TCF20: variants seen among roughly 807,000 people sequenced by gnomAD.
TCF20 encodes the protein SPRE-binding protein.
A neutral mutation model predicts 148.6 loss-of-function variants in TCF20; 3 were observed. That is an observed-to-expected ratio of 0.02 (90% CI 0.01 to 0.05). TCF20 has a LOEUF of 0.05. Among genes scored for constraint, TCF20 ranks in the 10% least tolerant of loss-of-function variants. TCF20 has a pLI of 1.00. For missense variants in TCF20, 2,350 were observed against 2,429.3 expected, an observed-to-expected ratio of 0.97 and a Z score of 0.69; for synonymous variants, 1,049 against 909.5, an observed-to-expected ratio of 1.15 and a Z score of -2.76.
rs772874257 is a variant in TCF20, at chr22:42,213,166, C to A, written c.2140G>T (p.Gly714Trp). ...SLRYSYKDSFGSAVPRNVSGF... is the reference protein window; with the variant it reads ...SLRYSYKDSFWSAVPRNVSGF... The stretch of plus-strand genomic sequence containing the variant: ...CTGACATTTCGTGGCACGGCTGACC[C>A]GAAACTATCTTTGTAACTATAGCGC... Residue 714 changes from glycine (G) to tryptophan (W), a missense_variant, in exon 2 of 6, where the codon GGG (glycine) becomes TGG (tryptophan). Physicochemically the swap from Gly to Trp is radical, Grantham distance 184 (BLOSUM62 -2). This residue lies in a region of TCF20 where 1,641 missense variants were observed against 1,662.6 expected (regional missense o/e 0.99). Coordinates refer to ENST00000677622, the MANE Select transcript of TCF20 (RefSeq NM_001378418.1). 1.9e-6 allele frequency: 3 copies of A among 1,614,174 alleles called. No individual in the cohort carries two copies. The highest frequency in any genetic ancestry group is 2.5e-6 in the Non-Finnish European group (3 of 1,180,036).
chr22:42,336,270 C>T (rs73433584), intron 1 of TCF20, among the ~76,000 whole-genome samples: 2,573 of 152,160 alleles, frequency 0.017, 59 homozygotes, highest in African/African-American at 0.054. Context: ...TGGCATGGCT[C>T]GGGTAGCTAG....
chr22:42,208,613 C>A (rs377711658), intron 2 of TCF20, among the ~76,000 whole-genome samples: 11 of 151,782 alleles, frequency 7.2e-5, no homozygotes, highest in South Asian at 6.3e-4. Context: ...AAAACAAAAC[C>A]AAAACAAAAC....
intron 2 of TCF20, among the ~76,000 whole-genome samples, chr22:42,205,071 C>T (rs906097102): frequency 1.3e-4 from 20 of 152,332 alleles, no homozygotes; most frequent in East Asian, 1.2e-3. Context: ...CATCCCTGCA[C>T]GCCTTGGCAT....
intron 1 of TCF20, among the ~76,000 whole-genome samples, chr22:42,256,823 T>C (rs1925771596): frequency 6.6e-6 from 1 of 152,220 alleles, no homozygotes. Context: ...GCATGTTCTC[T>C]ACACTTCTGC....
At position 42,209,849 on chromosome 22, in the gene TCF20, C is replaced by T. The variant is rs767109405; in HGVS notation, c.5457G>A (p.Lys1819=). 3.7e-6 allele frequency: 6 copies of T among 1,614,196 alleles called. No homozygotes were observed. The Admixed American group carries it at 1.0e-4, about 27-fold the overall frequency. ...CGGAGGGCTTCGAGTCCAAAACAGT[C>T]TTTTCACTGCTGCCCTCAGTGGCTG... ...KKAATEGSSE[K]TVLDSKPSVP... is the part of the protein sequence containing the mutation. Residue 1819 remains lysine (K), a synonymous_variant, in exon 2 of 6, where the codon AAG becomes AAA. Coordinates refer to ENST00000677622, the MANE Select transcript of TCF20 (RefSeq NM_001378418.1).
chr22:42,293,773 G>T (rs554881933), intron 1 of TCF20, among the ~76,000 whole-genome samples: 1 of 152,230 alleles, frequency 6.6e-6, no homozygotes, highest in African/African-American at 2.4e-5. Context: ...AGGCCAAGGC[G>T]GGCAGATCAC....
intron 1 of TCF20, among the ~76,000 whole-genome samples, chr22:42,226,983 T>G (rs761233611): frequency 4.6e-5 from 7 of 152,140 alleles, no homozygotes; most frequent in Non-Finnish European, 8.8e-5. Context: ...CAATAGGATA[T>G]TAAAAAATAA....
At chr22:42,260,451 A>C (rs1925967676) in intron 1 of TCF20, among the ~76,000 whole-genome samples, 2 of 152,172 alleles carry the variant, frequency 1.3e-5, no homozygotes, top group African/African-American at 2.4e-5. Context: ...AGGCAAAAAT[A>C]GGGGGTAGGA....
Position 42,210,352 on chromosome 22 carries a change from C to T in TCF20, c.4954G>A (p.Ala1652Thr). The change falls in exon 2 of 6, where the codon GCT becomes ACT. Residue 1652 changes from alanine to threonine, a missense_variant. Transcript: ENST00000677622. This position sits in a 1 kb window ranked among gnomAD's most constrained non-coding sequence, Gnocchi z 4.7. ...AATTTGGTCTGTTCTTCTTCCTCAGCATTGATGATTGTACAAACGGCTCCA... is the reference window on the plus strand; with the variant it reads ...AATTTGGTCTGTTCTTCTTCCTCAGTATTGATGATTGTACAAACGGCTCCA... ...ELGAVCTIIN[A>T]EEEEQTKLVR... is the part of the protein sequence containing the mutation. The T allele has an allele frequency of 6.2e-7, 1 of 1,614,214 alleles. No individual in the cohort carries two copies.
chr22:42,243,019 C>G (rs1601649859), intron 1 of TCF20, among the ~76,000 whole-genome samples: 1 of 151,792 alleles, frequency 6.6e-6, no homozygotes, highest in Non-Finnish European at 1.5e-5. Flanking sequence ...GTAGGAAGAT[C>G]AATGATTACC....
intron 2 of TCF20, among the ~76,000 whole-genome samples, chr22:42,184,654 TCCC>T (rs1231207250): frequency 2.6e-5 from 4 of 152,058 alleles, no homozygotes; most frequent in Non-Finnish European, 5.9e-5. Context: ...ACAATACTGC[TCCC>T]CAGGAAGAAT....
intron 3 of TCF20, among the ~76,000 whole-genome samples, chr22:42,175,197 A>G (rs138573068): frequency 4.5e-4 from 68 of 152,286 alleles, no homozygotes; most frequent in African/African-American, 1.6e-3. Flanking sequence ...CTCTTTTAAA[A>G]ACTTATTTTT....
chr22:42,215,255 G>A lies in TCF20; in HGVS notation c.51C>T (p.Tyr17=). The part of the protein sequence containing the change: ...QSSYHGNQQS[Y]PQEVHGSSRL... ...GGGATGAGCCGTGTACCTCCTGTGG[G>A]TAGCTTTGCTGGTTTCCGTGGTAAC... Residue 17 remains tyrosine (Y), a synonymous_variant, in exon 2 of 6, where the codon TAC becomes TAT. Transcript: ENST00000677622. The A allele has an allele frequency of 6.2e-7, 1 of 1,614,158 alleles. No homozygotes were observed. Among genetic ancestry groups the A allele is most frequent in the African/African-American group, 1.3e-5 (1 of 75,046 alleles).
intron 2 of TCF20, among the ~76,000 whole-genome samples, chr22:42,207,713 G>A (rs906765894): frequency 6.6e-6 from 1 of 152,202 alleles, no homozygotes; most frequent in Non-Finnish European, 1.5e-5. Flanking sequence ...TACTCAGGAG[G>A]CTGAGGCAAG....
chr22:42,216,792 T>C (rs993618371), intron 1 of TCF20, among the ~76,000 whole-genome samples: 1 of 152,230 alleles, frequency 6.6e-6, no homozygotes, highest in East Asian at 1.9e-4. Flanking sequence ...TTCAAAGTTA[T>C]CTGACTGAGC....
intron 1 of TCF20, among the ~76,000 whole-genome samples, chr22:42,342,287 A>G (rs930093996): frequency 1.3e-5 from 2 of 152,078 alleles, no homozygotes; most frequent in Non-Finnish European, 2.9e-5. Context: ...TGGGGGAGAA[A>G]CGACGGGAGG....
rs1898709208 is a variant in TCF20, at chr22:42,213,163, A to T, written c.2143T>A (p.Ser715Thr). ...LRYSYKDSFG[S>T]AVPRNVSGFP... ...CCACTGACATTTCGTGGCACGGCTG[A>T]CCCGAAACTATCTTTGTAACTATAG... Residue 715 changes from serine to threonine, a missense_variant, in exon 2 of 6, where the codon TCA (serine) becomes ACA (threonine). Physicochemically the swap from Ser to Thr is moderately conservative, Grantham distance 58 (BLOSUM62 1). This residue lies in a region of TCF20 where 1,641 missense variants were observed against 1,662.6 expected (regional missense o/e 0.99). Transcript: ENST00000677622. 1.9e-6 allele frequency: 3 copies of T among 1,614,124 alleles called. No homozygotes were observed. The highest frequency in any genetic ancestry group is 1.3e-5 in the African/African-American group (1 of 75,010).
intron 3 of TCF20, among the ~76,000 whole-genome samples, chr22:42,176,864 A>C (rs899255318): frequency 1.3e-5 from 2 of 152,242 alleles, no homozygotes; most frequent in East Asian, 3.8e-4. Flanking sequence ...AAAGGAAGAG[A>C]TAAGTAGAGA....
chr22:42,178,526 A>G (rs957895900), intron 3 of TCF20, among the ~76,000 whole-genome samples: 27 of 151,978 alleles, frequency 1.8e-4, no homozygotes, highest in Non-Finnish European at 5.9e-5. Flanking sequence ...AAGTAAAAAG[A>G]CAACTCAGAG....
Sources: allele counts gnomAD v4.1 joint callset (sites outside exome capture counted in the v4.1 genomes callset), GRCh38; gene constraint gnomAD v4.1.1; regional missense constraint gnomAD v4.1.1; non-coding constraint Gnocchi (gnomAD v3.1); transcripts MANE v1.5; gene names NCBI Gene and HGNC (gene_info 2026-07-23, HGNC 2026-07-21).